The following ACOT7 variants were observed in gnomAD, a reference collection of about 807,000 sequenced individuals.
The protein encoded by ACOT7 is acyl-CoA thioesterase 7.
ACOT7 carries 12 observed loss-of-function variants against 40.2 expected under a neutral mutation model. The ratio of observed to expected loss-of-function variants is 0.30; its 90% CI spans 0.19 to 0.48. ACOT7 has a LOEUF of 0.48. Among genes scored for constraint, ACOT7 ranks in the 20% least tolerant of loss-of-function variants. The probability of loss-of-function intolerance (pLI) is 0.99; values close to 1 mark genes in which losing one functional copy is unlikely to be tolerated. For synonymous variants in ACOT7, 228 were observed against 219.5 expected, an observed-to-expected ratio of 1.04 and a Z score of -0.34; for missense variants, 395 against 530.8, an observed-to-expected ratio of 0.74 and a Z score of 2.51.
At chr1:6,326,207 TACG>T (rs1640793992) in intron 5 of ACOT7, among the ~76,000 whole-genome samples, 1 of 152,200 alleles carries the variant, frequency 6.6e-6, no homozygotes, top group South Asian at 2.1e-4. Context: ...CTCCTGCCAC[TACG>T]ACAACATGAC....
At chr1:6,391,744 C>T (rs1374247803) in intron 1 of ACOT7, among the ~76,000 whole-genome samples, 1 of 152,172 alleles carries the variant, frequency 6.6e-6, no homozygotes, top group African/African-American at 2.4e-5. Context: ...AGTTACTCAA[C>T]TCCCAAAACT....
intron 1 of ACOT7, among the ~76,000 whole-genome samples, chr1:6,381,570 T>C (rs989073459): frequency 2.6e-5 from 4 of 151,610 alleles, no homozygotes; most frequent in Admixed American, 6.6e-5. Flanking sequence ...CCAGAACCCA[T>C]GTACACTGTC....
intron 1 of ACOT7, among the ~76,000 whole-genome samples, chr1:6,374,288 C>G (rs1397253551): frequency 6.6e-6 from 1 of 152,228 alleles, no homozygotes; most frequent in African/African-American, 2.4e-5. Context: ...GACTAAGAGC[C>G]CTGCCCAGCC....
chr1:6,311,472 C>T lies in ACOT7; in HGVS notation c.712+7020G>A, dbSNP rs1168674206. 2.6e-5 allele frequency among the ~76,000 whole-genome samples: 4 copies of T among 152,178 alleles called. No individual in the cohort carries two copies. Among genetic ancestry groups the T allele is most frequent in the Non-Finnish European group, 5.9e-5 (4 of 68,034 alleles). On this transcript the variant is annotated intron_variant, in intron 6 of 8. Transcript: ENST00000361521. This position sits in a 1 kb window ranked among gnomAD's most constrained non-coding sequence, Gnocchi z 5.2. ...GTGCCAGCCGGGTCAGTTCCCCCAA[C>T]AAAACCGGTCCAGGGCAGGGCTGGA...
intron 2 of ACOT7, among the ~76,000 whole-genome samples, chr1:6,340,169 T>C (rs6577572): frequency 0.18 from 27,797 of 152,028 alleles, 4,016 homozygotes; most frequent in African/African-American, 0.4. Context: ...GGTTTCTCCA[T>C]GTTAGCCAGA....
chr1:6,345,522 G>A (rs190120091), intron 2 of ACOT7, among the ~76,000 whole-genome samples: 4 of 152,358 alleles, frequency 2.6e-5, no homozygotes, highest in Non-Finnish European at 5.9e-5. Context: ...AGGGGATAAC[G>A]AATGGGAAGA....
In ACOT7 at chr1:6,285,168, C is replaced by T. The variant is rs995073335; in HGVS notation, c.830-3882G>A. ...CAGGCTGGACCCCTCTGGGGACCCA[C>T]GAGGGCTGGGGTGTGGGTCACATGT... On this transcript the variant is annotated intron_variant, in intron 7 of 8. Coordinates refer to ENST00000361521, the MANE Select transcript of ACOT7 (RefSeq NM_007274.4). Among the ~76,000 whole-genome samples, 4 of 152,288 alleles carry T rather than the reference C, an allele frequency of 2.6e-5. No homozygotes were observed. In the East Asian group the frequency reaches 5.8e-4, roughly 22 times the overall value.
At chr1:6,321,418 T>A (rs1303586677) in intron 5 of ACOT7, among the ~76,000 whole-genome samples, 2 of 152,208 alleles carry the variant, frequency 1.3e-5, no homozygotes, top group Non-Finnish European at 2.9e-5. Context: ...GTATTTTTTT[T>A]ACTTTTCCAT....
intron 6 of ACOT7, among the ~76,000 whole-genome samples, chr1:6,317,662 T>G (rs1425298049): frequency 2.0e-5 from 3 of 151,426 alleles, no homozygotes; most frequent in African/African-American, 7.3e-5. Flanking sequence ...CATGTGAGCC[T>G]CCCCAGGGAC....
At position 6,291,962 on chromosome 1, in the gene ACOT7, G is replaced by A. The variant is rs185186345; in HGVS notation, c.829+2902C>T. On this transcript the variant is annotated intron_variant, in intron 7 of 8. Coordinates refer to ENST00000361521, the MANE Select transcript of ACOT7 (RefSeq NM_007274.4). Reference sequence around the variant, plus strand: ...GGTGCAGTATCCTAGGAGCAAGCATGATGACCCTGCTCTGACAACCCTGGC... The same window carrying A: ...GGTGCAGTATCCTAGGAGCAAGCATAATGACCCTGCTCTGACAACCCTGGC... Among the ~76,000 whole-genome samples the A allele has an allele frequency of 8.2e-3, 1,255 of 152,306 alleles. 8 individuals carry two copies. Among genetic ancestry groups the A allele is most frequent in the Non-Finnish European group, 0.012 (812 of 68,018 alleles).
At chr1:6,382,417 A>G (rs1022473400) in intron 1 of ACOT7, among the ~76,000 whole-genome samples, 3 of 152,010 alleles carry the variant, frequency 2.0e-5, no homozygotes, top group Admixed American at 6.5e-5. Context: ...AACAAAAAAC[A>G]AAACAAAAAA....
At chr1:6,293,180 C>T (rs1049888604) in intron 7 of ACOT7, among the ~76,000 whole-genome samples, 4 of 152,294 alleles carry the variant, frequency 2.6e-5, no homozygotes, top group Middle Eastern at 3.4e-3. Context: ...TGAGCCACAG[C>T]GCTCAGCCAG....
At chr1:6,308,284 C>A (rs1181596263) in intron 6 of ACOT7, among the ~76,000 whole-genome samples, 1 of 147,628 alleles carries the variant, frequency 6.8e-6, no homozygotes, top group East Asian at 2.1e-4. Flanking sequence ...GAAGGAACAG[C>A]CACAGGCAGA....
chr1:6,362,628 C>A (rs1444006166), intron 1 of ACOT7, among the ~76,000 whole-genome samples: 4 of 152,120 alleles, frequency 2.6e-5, no homozygotes, highest in Admixed American at 2.0e-4. Context: ...CAACGACATG[C>A]CCTAGAATGG....
At chr1:6,327,650 T>C (rs2148431104) in intron 4 of ACOT7, among the ~76,000 whole-genome samples, 1 of 152,368 alleles carries the variant, frequency 6.6e-6, no homozygotes, top group African/African-American at 2.4e-5. Context: ...GGAATTGCTT[T>C]AATGCCTACA....
chr1:6,351,592 C>A (rs1302987773), intron 1 of ACOT7, among the ~76,000 whole-genome samples: 1 of 152,230 alleles, frequency 6.6e-6, no homozygotes, highest in South Asian at 2.1e-4. Context: ...GTCCTGGGGG[C>A]ACTAGCCAAG....
At chr1:6,368,690 T>C (rs975203012) in intron 1 of ACOT7, among the ~76,000 whole-genome samples, 5 of 152,296 alleles carry the variant, frequency 3.3e-5, no homozygotes, top group African/African-American at 1.2e-4. Context: ...GCTCTGACAC[T>C]GAGCCAGGGT....
rs1329436181 is a variant in ACOT7, at chr1:6,288,126, C to T, written c.829+6738G>A. 3.3e-5 allele frequency among the ~76,000 whole-genome samples: 5 copies of T among 152,208 alleles called. No individual in the cohort carries two copies. The East Asian group carries it at 9.6e-4, about 29-fold the overall frequency. On this transcript the variant is annotated intron_variant, in intron 7 of 8. Transcript: ENST00000361521. This position sits in a 1 kb window ranked among gnomAD's most constrained non-coding sequence, Gnocchi z 4.3. ...CCCACAGCTCCCATTAGGGGCTCCA[C>T]TGCTTGCCTGGGGGGCGGAGGCTCT...
At position 6,264,749 on chromosome 1, in the gene ACOT7, G is replaced by T. The variant is rs991759635; in HGVS notation, c.1015-54C>A. On this transcript the variant is annotated intron_variant, in intron 8 of 8. Coordinates refer to ENST00000361521, the MANE Select transcript of ACOT7 (RefSeq NM_007274.4). ...TTAGGGTCACTGCAGAACCAGTGCC[G>T]TGGCCTTGTGACCTGGCCTGGGGCC... 5.1e-6 allele frequency: 8 copies of T among 1,570,682 alleles called. No homozygotes were observed. The Admixed American group carries it at 8.7e-5, about 17-fold the overall frequency.
Sources: gnomAD v4.1 joint callset for allele counts (sites outside exome capture counted in the v4.1 genomes callset) on GRCh38, gnomAD v4.1.1 for gene constraint, Gnocchi (gnomAD v3.1) non-coding constraint, MANE v1.5 for transcripts, NCBI Gene and HGNC (gene_info 2026-07-23, HGNC 2026-07-21) for gene names.